The following SCAI variants were observed in gnomAD, a reference collection of about 807,000 sequenced individuals.
SCAI encodes the protein protein SCAI.
Under a neutral mutation model 92.2 loss-of-function variants are expected in SCAI, and 24 were observed. The observed-to-expected ratio is 0.26, with a 90% CI of 0.19 to 0.37. SCAI has a LOEUF of 0.37. SCAI is among the 10% of genes least tolerant of loss of function. SCAI has a pLI of 1.00. For missense variants in SCAI, 450 were observed against 736.2 expected, an observed-to-expected ratio of 0.61 and a Z score of 4.50; for synonymous variants, 261 against 258.6, an observed-to-expected ratio of 1.01 and a Z score of -0.09.
chr9:125,064,042 C>A (rs551527631), intron 2 of SCAI, among the ~76,000 whole-genome samples: 30 of 152,104 alleles, frequency 2.0e-4, no homozygotes, highest in African/African-American at 6.5e-4. Flanking sequence ...CGTGAGCCAC[C>A]GCGCCCAGCC....
chr9:125,001,838 A>T, intron 12 of SCAI, 127 bp downstream of exon 12: 1 of 601,830 alleles, frequency 1.7e-6, no homozygotes, highest in Admixed American at 2.7e-5. Context: ...CAACAAATAG[A>T]CCAGGTTTCA....
At position 125,043,895 on chromosome 9, in the gene SCAI, T is replaced by C. The variant is rs569563793; in HGVS notation, c.230+11981A>G. On this transcript the variant is annotated intron_variant, in intron 3 of 17. Transcript: ENST00000336505. ...GGTGGAAGCCGGGCCACCTACTGAG[T>C]TGGAGGGGTGGGAGCCCAGCGCTCC... 1.1e-4 allele frequency among the ~76,000 whole-genome samples: 16 copies of C among 152,138 alleles called. No individual in the cohort carries two copies. In the East Asian group the frequency reaches 2.1e-3, roughly 20 times the overall value.
At position 125,109,281 on chromosome 9, in the gene SCAI, C is replaced by G. The variant is rs563619753; in HGVS notation, c.98+33352G>C. The stretch of plus-strand genomic sequence containing the variant: ...AGACCTTTGTTCACTTGTTTATCTG[C>G]TGACCTTCCCTCCACTATTGTCCTA... On this transcript the variant is annotated intron_variant, in intron 2 of 17. Coordinates refer to ENST00000336505, the MANE Select transcript of SCAI (RefSeq NM_001144877.3). 4.4e-4 allele frequency among the ~76,000 whole-genome samples: 67 copies of G among 152,242 alleles called. 1 individual carries two copies. In the South Asian group the frequency reaches 0.013, roughly 31 times the overall value.
At chr9:125,111,827 G>T (rs1834935232) in intron 2 of SCAI, among the ~76,000 whole-genome samples, 1 of 152,100 alleles carries the variant, frequency 6.6e-6, no homozygotes, top group Non-Finnish European at 1.5e-5. Flanking sequence ...TCAGGCAGAG[G>T]CCCTGAGTTA....
chr9:125,047,458 T>G (rs541560878), intron 3 of SCAI, among the ~76,000 whole-genome samples: 95 of 152,282 alleles, frequency 6.2e-4, no homozygotes, highest in African/African-American at 2.2e-3. Flanking sequence ...CATAGCAAAC[T>G]GATACAGTAA....
chr9:125,114,949 G>A (rs1835009325), intron 2 of SCAI, among the ~76,000 whole-genome samples: 1 of 151,826 alleles, frequency 6.6e-6, no homozygotes, highest in Admixed American at 6.6e-5. Context: ...ATTTTTATAT[G>A]TTTAGTAGAG....
chr9:125,066,689 G>A (rs1053674015), intron 2 of SCAI, among the ~76,000 whole-genome samples: 3 of 152,024 alleles, frequency 2.0e-5, no homozygotes, highest in Non-Finnish European at 4.4e-5. Context: ...TCCTGACCTC[G>A]TGATCCGCCT....
chr9:125,027,777 G>A (rs1367048280), intron 5 of SCAI, among the ~76,000 whole-genome samples: 1 of 152,142 alleles, frequency 6.6e-6, no homozygotes, highest in Non-Finnish European at 1.5e-5. Context: ...GCCTCCCAAA[G>A]TCCTAGGATT....
chr9:125,097,839 T>C (rs1834591341), intron 2 of SCAI, among the ~76,000 whole-genome samples: 1 of 151,696 alleles, frequency 6.6e-6, no homozygotes, highest in African/African-American at 2.4e-5. Context: ...ATTAAAATAA[T>C]AGCAATGGAA....
intron 2 of SCAI, among the ~76,000 whole-genome samples, chr9:125,137,052 C>T (rs140384935): frequency 1.5e-3 from 228 of 152,242 alleles, no homozygotes; most frequent in African/African-American, 3.8e-3. Flanking sequence ...CCACCGCGCC[C>T]GGCCTAACAC....
intron 2 of SCAI, among the ~76,000 whole-genome samples, chr9:125,073,518 T>A (rs1834025045): frequency 6.6e-6 from 1 of 152,230 alleles, no homozygotes; most frequent in Non-Finnish European, 1.5e-5. Context: ...TCAACACTTG[T>A]TATTTTCTAT....
intron 3 of SCAI, among the ~76,000 whole-genome samples, chr9:125,050,077 A>AG (rs1833528712): frequency 6.6e-6 from 1 of 151,632 alleles, no homozygotes; most frequent in Non-Finnish European, 1.5e-5. Flanking sequence ...GTGGAAAAGG[A>AG]GAAAAAAAAA....
intron 9 of SCAI, among the ~76,000 whole-genome samples, chr9:125,005,618 A>G (rs1241032804): frequency 2.0e-5 from 3 of 152,222 alleles, no homozygotes; most frequent in Non-Finnish European, 4.4e-5. Context: ...GGCATGAGCC[A>G]CTGCGCCCAG....
At chr9:125,074,897 G>A (rs10986547) in intron 2 of SCAI, among the ~76,000 whole-genome samples, 1,912 of 151,964 alleles carry the variant, frequency 0.013, 93 homozygotes, top group Admixed American at 0.082. Context: ...CCAGCCACTC[G>A]GGAGGCTGAG....
At chr9:125,008,550 T>G (rs1468978665) in intron 9 of SCAI, among the ~76,000 whole-genome samples, 3 of 151,998 alleles carry the variant, frequency 2.0e-5, no homozygotes, top group African/African-American at 7.3e-5. Flanking sequence ...AGAAAGACAA[T>G]ATGTGAAATA....
chr9:125,126,300 C>T (rs1008360924), intron 2 of SCAI, among the ~76,000 whole-genome samples: 1 of 152,160 alleles, frequency 6.6e-6, no homozygotes, highest in Non-Finnish European at 1.5e-5. Context: ...CATGGGCTGC[C>T]TGGGTGGCTG....
chr9:124,983,175 A>C (rs1327898665), intron 14 of SCAI, among the ~76,000 whole-genome samples: 4 of 151,940 alleles, frequency 2.6e-5, no homozygotes, highest in African/African-American at 9.7e-5. Context: ...AAAAAAAAAA[A>C]AAAGCATTCA....
At chr9:125,028,365 T>C (rs2131086100) in intron 5 of SCAI, 27 bp downstream of exon 5, 3 of 1,256,724 alleles carry the variant, frequency 2.4e-6, no homozygotes, top group East Asian at 4.7e-5. Flanking sequence ...GACAACACTT[T>C]ACTCTTTCCA....
chr9:124,968,675 C>CA (rs1831590797), intron 17 of SCAI: 1 of 1,317,134 alleles, frequency 7.6e-7, no homozygotes, highest in Admixed American at 1.7e-5. Context: ...CTGGGTGGCC[C>CA]AAAGTTCCCG....
Sources: gnomAD v4.1 joint callset for allele counts (sites outside exome capture counted in the v4.1 genomes callset) on GRCh38, gnomAD v4.1.1 for gene constraint, MANE v1.5 for transcripts, NCBI Gene and HGNC (gene_info 2026-07-23, HGNC 2026-07-21) for gene names.